GAP43: variants seen among roughly 807,000 people sequenced by gnomAD.
The protein encoded by GAP43 is neuromodulin.
In GAP43, 6 loss-of-function variants were observed where a neutral mutation model predicts 18.6. That is an observed-to-expected ratio of 0.32 (90% confidence interval 0.18 to 0.64). The LOEUF is 0.64. GAP43 is among the 30% of genes least tolerant of loss of function. The pLI, the probability that GAP43 is intolerant of heterozygous loss-of-function variation, is 0.78. For missense variants in GAP43, 292 were observed against 295.5 expected (o/e 0.99, Z 0.09); for synonymous variants, 115 against 111.4 (o/e 1.03, Z -0.20).
intron 2 of GAP43, among the ~76,000 whole-genome samples, chr3:115,681,213 A>T (rs762024108): frequency 2.6e-5 from 4 of 152,216 alleles, no homozygotes; most frequent in African/African-American, 9.6e-5. Context: ...CAACAGCCCA[A>T]TGTCATTTGA....
At chr3:115,662,669 A>G (rs1165005623) in intron 1 of GAP43, among the ~76,000 whole-genome samples, 2 of 152,342 alleles carry the variant, frequency 1.3e-5, no homozygotes, top group South Asian at 2.1e-4. Flanking sequence ...GAGAGTCTCC[A>G]GGACTTTTTA....
rs769806114 is a variant in GAP43 at position 115,676,572 on chromosome 3, C to T, written c.590C>T (p.Thr197Met). ...AAAKATAQPP[T>M]ETGESSQAEE... Reference sequence around the variant, plus strand: ...GCCAAGGCAACAGCCCAGCCTCCAACGGAGACTGGGGAGAGCAGCCAAGCT... The same window carrying T: ...GCCAAGGCAACAGCCCAGCCTCCAATGGAGACTGGGGAGAGCAGCCAAGCT... Residue 197 changes from threonine to methionine, a missense_variant, in exon 2 of 3, where the codon ACG (threonine) becomes ATG (methionine). Thr to Met is a moderately conservative substitution (Grantham distance 81). Coordinates refer to ENST00000305124, the MANE Select transcript of GAP43 (RefSeq NM_002045.4). 30 of 1,610,626 alleles carry T rather than the reference C, an allele frequency of 1.9e-5. No homozygotes were observed. Among genetic ancestry groups the T allele is most frequent in the South Asian group, 9.9e-5 (9 of 90,822 alleles).
rs1050057399 is a variant in GAP43 at position 115,663,659 on chromosome 3, A to T, written c.31-12354A>T. 2.1e-6 allele frequency: 3 copies of T among 1,433,900 alleles called. No individual in the cohort carries two copies. The East Asian group carries it at 7.7e-5, about 37-fold the overall frequency. 88.8% of individuals were successfully genotyped at this position (1,433,900 alleles called of 1,614,324 possible). ...TAACACCTCAGCCCTTGCTTAAAAA[A>T]TTTTATTTCTACTTTTCTATTGTAA... is the stretch of plus-strand genomic sequence containing the variant. On this transcript the variant is annotated intron_variant, in intron 1 of 2. Coordinates refer to ENST00000305124, the MANE Select transcript of GAP43 (RefSeq NM_002045.4).
At chr3:115,655,920 G>T (rs1325701314) in intron 1 of GAP43, among the ~76,000 whole-genome samples, 1 of 152,160 alleles carries the variant, frequency 6.6e-6, no homozygotes, top group African/African-American at 2.4e-5. Context: ...GGATTTTTCA[G>T]GCCTGGGATG....
At chr3:115,686,822 A>G (rs1253719259) in intron 2 of GAP43, among the ~76,000 whole-genome samples, 1 of 152,176 alleles carries the variant, frequency 6.6e-6, no homozygotes, top group Non-Finnish European at 1.5e-5. Context: ...TTGATTTGCA[A>G]CCATTTAACA....
chr3:115,663,609 C>T (rs1474015655), intron 1 of GAP43: 3 of 1,324,918 alleles, frequency 2.3e-6, no homozygotes, highest in Non-Finnish European at 2.9e-6. Flanking sequence ...AAATGAGTCA[C>T]AGCATCACCT....
intron 1 of GAP43, among the ~76,000 whole-genome samples, chr3:115,645,293 A>G (rs1430691462): frequency 6.6e-6 from 1 of 151,962 alleles, no homozygotes; most frequent in Non-Finnish European, 1.5e-5. Flanking sequence ...CAGTATCTCC[A>G]ATATTTTTTG....
chr3:115,623,666 A>G lies in GAP43; in HGVS notation c.-24A>G. On this transcript the variant is annotated 5_prime_UTR_variant, in exon 1 of 3. Transcript: ENST00000305124. The stretch of plus-strand genomic sequence containing the variant: ...AGAGAAGGAAAGGAGAGAAGGCAGG[A>G]AGAAGGCAAGGGACGAGACAACCAT... 6 of 1,614,038 alleles carry G rather than the reference A, an allele frequency of 3.7e-6. No individual in the cohort carries two copies. Among genetic ancestry groups the G allele is most frequent in the Non-Finnish European group, 5.1e-6 (6 of 1,179,902 alleles).
At chr3:115,705,586 AG>A (rs1486202044) in intron 2 of GAP43, among the ~76,000 whole-genome samples, 2 of 152,200 alleles carry the variant, frequency 1.3e-5, no homozygotes, top group Non-Finnish European at 1.5e-5. Context: ...GATGAGATCT[AG>A]GGTGACATTG....
intron 1 of GAP43, among the ~76,000 whole-genome samples, chr3:115,650,886 T>C (rs1201070658): frequency 6.6e-6 from 1 of 152,132 alleles, no homozygotes; most frequent in Non-Finnish European, 1.5e-5. Flanking sequence ...CTCAGCACTT[T>C]GGAAGGCCAA....
At chr3:115,708,619 GC>G (rs1300208731) in intron 2 of GAP43, among the ~76,000 whole-genome samples, 1 of 152,184 alleles carries the variant, frequency 6.6e-6, no homozygotes, top group Middle Eastern at 3.2e-3. Flanking sequence ...AGCACAAACT[GC>G]ACCATAGAGG....
At chr3:115,695,970 T>C (rs1222737629) in intron 2 of GAP43, among the ~76,000 whole-genome samples, 1 of 152,144 alleles carries the variant, frequency 6.6e-6, no homozygotes, top group Non-Finnish European at 1.5e-5. Flanking sequence ...CATTTGCCCT[T>C]CCTTCTTTAT....
At chr3:115,690,757 C>CTTTTTTTTT (rs71616327) in intron 2 of GAP43, among the ~76,000 whole-genome samples, 2 of 110,992 alleles carry the variant, frequency 1.8e-5, no homozygotes, top group Non-Finnish European at 3.7e-5. Context: ...TTCTTTCTTT[C>CTTTTTTTTT]TTTTTTTTTT....
At position 115,623,963 on chromosome 3, in the gene GAP43, A is replaced by AT. The variant is rs370210677; in HGVS notation, c.30+255dup. On this transcript the variant is annotated intron_variant, in intron 1 of 2. Coordinates refer to ENST00000305124, the MANE Select transcript of GAP43 (RefSeq NM_002045.4). Reference sequence around the variant, plus strand: ...AAACATGCCTGTTTGGCTAGAAATAATTTTTTTTTTTCTTATTAGTGAATG... The same window carrying AT: ...AAACATGCCTGTTTGGCTAGAAATAATTTTTTTTTTTTCTTATTAGTGAATG... Among the ~76,000 whole-genome samples, 259 of 148,836 alleles carry AT rather than the reference A, an allele frequency of 1.7e-3. 1 individual carries two copies. The highest frequency in any genetic ancestry group is 7.0e-3 in the Middle Eastern group (2 of 286).
intron 1 of GAP43, among the ~76,000 whole-genome samples, chr3:115,664,132 G>C (rs1708701769): frequency 6.6e-6 from 1 of 151,820 alleles, no homozygotes; most frequent in Non-Finnish European, 1.5e-5. Context: ...AAATATGTTT[G>C]GGGTGTGTAT....
intron 2 of GAP43, among the ~76,000 whole-genome samples, chr3:115,691,472 T>C (rs1300993617): frequency 1.1e-4 from 17 of 152,224 alleles, no homozygotes. Context: ...TGGTTGTCGG[T>C]ATTAAATAGA....
intron 2 of GAP43, among the ~76,000 whole-genome samples, chr3:115,694,161 C>T (rs1407737701): frequency 5.9e-5 from 9 of 152,170 alleles, no homozygotes; most frequent in African/African-American, 2.2e-4. Flanking sequence ...CTCTTGAAAC[C>T]CTGAGTGGCT....
chr3:115,667,974 T>C (rs1708755020), intron 1 of GAP43, among the ~76,000 whole-genome samples: 2 of 152,318 alleles, frequency 1.3e-5, no homozygotes, highest in South Asian at 4.1e-4. Flanking sequence ...TTCTGTCCTT[T>C]GAGCATGTCA....
chr3:115,639,977 A>C (rs56671936), intron 1 of GAP43, among the ~76,000 whole-genome samples: 34,839 of 151,954 alleles, frequency 0.23, 4,424 homozygotes, highest in East Asian at 0.56. Flanking sequence ...ATAACATAGA[A>C]ATTAAATATA....
Sources: allele counts gnomAD v4.1 joint callset (sites outside exome capture counted in the v4.1 genomes callset), GRCh38; gene constraint gnomAD v4.1.1; transcripts MANE v1.5; gene names NCBI Gene and HGNC (gene_info 2026-07-23, HGNC 2026-07-21).